Variants in EGLN3 observed in about 807,000 individuals in gnomAD.
EGLN3 encodes the protein egl-9 family hypoxia inducible factor 3.
In EGLN3, 15 loss-of-function variants were observed where a neutral mutation model predicts 26.0. The observed-to-expected ratio is 0.58, with a 90% CI of 0.39 to 0.89. The LOEUF is 0.89. EGLN3 is among the 40% of genes least tolerant of loss of function. EGLN3 has a pLI of 0.00. For missense variants in EGLN3, 238 were observed against 311.6 expected (o/e 0.76, Z 1.78); for synonymous variants, 147 against 127.2 (o/e 1.16, Z -1.05).
At chr14:33,930,717 T>C (rs951346850) in intron 2 of EGLN3, among the ~76,000 whole-genome samples, 8 of 152,192 alleles carry the variant, frequency 5.3e-5, no homozygotes, top group Non-Finnish European at 1.2e-4. Flanking sequence ...TCTATTTTTG[T>C]GGAACTTTCT....
chr14:33,926,922 A>C, intron 4 of EGLN3, 38 bp downstream of exon 4: 1 of 1,474,792 alleles, frequency 6.8e-7, no homozygotes, highest in Non-Finnish European at 9.4e-7. Context: ...TCAAGGATTA[A>C]CTTGATCAAA....
At position 33,929,072 on chromosome 14, in the gene EGLN3, T is replaced by C; in HGVS notation, c.614+4A>G. Reference sequence around the variant, plus strand: ...GGAAGAGGAATCATGGCTCCGGCTATTACCTGGTTGCGTAAGAGGGCTGCA... The same window carrying C: ...GGAAGAGGAATCATGGCTCCGGCTACTACCTGGTTGCGTAAGAGGGCTGCA... On this transcript the variant is annotated splice_donor_region_variant and intron_variant, in intron 3 of 4. Coordinates refer to ENST00000250457, the MANE Select transcript of EGLN3 (RefSeq NM_022073.4). The C allele has an allele frequency of 1.2e-6, 2 of 1,613,296 alleles. No individual in the cohort carries two copies. The highest frequency in any genetic ancestry group is 1.1e-5 in the South Asian group (1 of 90,962).
chr14:33,926,837 A>G (rs1882512112), intron 4 of EGLN3, 123 bp downstream of exon 4: 3 of 597,712 alleles, frequency 5.0e-6, no homozygotes, highest in Non-Finnish European at 7.8e-6. Flanking sequence ...ACCCATCAAG[A>G]TGTCATTATA....
intron 1 of EGLN3, among the ~76,000 whole-genome samples, chr14:33,934,466 TA>T (rs369949234): frequency 1.3e-3 from 179 of 138,412 alleles, no homozygotes; most frequent in African/African-American, 3.5e-3. Context: ...GCTGACTTCA[TA>T]AAAAAAAAAA....
At chr14:33,944,290 CTT>C (rs2064502787) in intron 1 of EGLN3, among the ~76,000 whole-genome samples, 1 of 151,952 alleles carries the variant, frequency 6.6e-6, no homozygotes. Context: ...CCCGGCTAGA[CTT>C]TGTATTTTTA....
intron 1 of EGLN3, among the ~76,000 whole-genome samples, chr14:33,940,461 T>C (rs565625398): frequency 2.0e-5 from 3 of 152,094 alleles, no homozygotes; most frequent in African/African-American, 7.2e-5. Context: ...ACAGGGAAAC[T>C]GTAGGAAGAT....
At chr14:33,949,431 A>C (rs1390176756) in intron 1 of EGLN3, 1 of 152,218 alleles carries the variant, frequency 6.6e-6, no homozygotes, top group Non-Finnish European at 1.5e-5. Flanking sequence ...TGTTTCAGTA[A>C]AAGTTTTCCG....
At chr14:33,947,004 A>G (rs1027790217) in intron 1 of EGLN3, among the ~76,000 whole-genome samples, 3 of 152,242 alleles carry the variant, frequency 2.0e-5, no homozygotes, top group Non-Finnish European at 1.5e-5. Context: ...TAGTATTTGT[A>G]AAGTGCATAG....
chr14:33,938,669 G>A (rs2064459216), intron 1 of EGLN3, among the ~76,000 whole-genome samples: 1 of 152,222 alleles, frequency 6.6e-6, no homozygotes, highest in African/African-American at 2.4e-5. Context: ...CCAGCCCAGG[G>A]ATAAGGACAT....
At chr14:33,949,125 C>G (rs2064538204) in intron 1 of EGLN3, 1 of 152,136 alleles carries the variant, frequency 6.6e-6, no homozygotes, top group Admixed American at 6.5e-5. Context: ...GCATTAATAA[C>G]GATGCTTTCA....
At chr14:33,929,350 C>T in intron 2 of EGLN3, 138 bp from the exon 3 acceptor site, 1 of 1,096,372 alleles carries the variant, frequency 9.1e-7, no homozygotes, top group Non-Finnish European at 1.3e-6. Flanking sequence ...TTACTTCAAC[C>T]TCATAGTTTG....
At chr14:33,933,705 A>G (rs1356789836) in intron 1 of EGLN3, among the ~76,000 whole-genome samples, 6 of 152,296 alleles carry the variant, frequency 3.9e-5, no homozygotes, top group South Asian at 2.1e-4. Flanking sequence ...GTCTAAAACC[A>G]TGAGGCTAAG....
At chr14:33,928,468 A>G (rs575717239) in intron 3 of EGLN3, among the ~76,000 whole-genome samples, 2 of 152,342 alleles carry the variant, frequency 1.3e-5, no homozygotes, top group African/African-American at 4.8e-5. Flanking sequence ...AAGATTGTCT[A>G]GATTGGTCCT....
chr14:33,928,440 G>A lies in EGLN3; in HGVS notation c.614+636C>T, dbSNP rs960104766. ...AAAGGTAAATGAGAGGCAGAATTGA[G>A]AATGAAGATTTTTTGTCAAGATTGT... On this transcript the variant is annotated intron_variant, in intron 3 of 4. Coordinates refer to ENST00000250457, the MANE Select transcript of EGLN3 (RefSeq NM_022073.4). Among the ~76,000 whole-genome samples, 42 of 152,178 alleles carry A rather than the reference G, an allele frequency of 2.8e-4. 1 individual carries two copies. Among genetic ancestry groups the A allele is most frequent in the Admixed American group, 2.7e-3 (42 of 15,280 alleles).
chr14:33,950,549 G>A lies in EGLN3; in HGVS notation c.204C>T (p.Val68=). The change falls in exon 1 of 5, where the codon GTC becomes GTT. Residue 68 remains valine, a synonymous_variant. Coordinates refer to ENST00000250457, the MANE Select transcript of EGLN3 (RefSeq NM_022073.4). Reference sequence around the variant, plus strand: ...GGTCGCCCCGCAGGTGTCGCTTGGAGACGCCGGCGCGCGGCCCCGCCAGCT... The same window carrying A: ...GGTCGCCCCGCAGGTGTCGCTTGGAAACGCCGGCGCGCGGCCCCGCCAGCT... ...DGQLAGPRAG[V]SKRHLRGDQI... The A allele has an allele frequency of 6.2e-7, 1 of 1,612,426 alleles. No individual in the cohort carries two copies. The highest frequency in any genetic ancestry group is 8.5e-7 in the Non-Finnish European group (1 of 1,179,262).
chr14:33,939,274 G>C (rs559212807), intron 1 of EGLN3, among the ~76,000 whole-genome samples: 2 of 151,834 alleles, frequency 1.3e-5, no homozygotes, highest in Non-Finnish European at 2.9e-5. Flanking sequence ...GCACTGGCGC[G>C]ATCTCGGCTC....
intron 1 of EGLN3, among the ~76,000 whole-genome samples, chr14:33,946,972 T>C (rs1245035422): frequency 1.3e-5 from 2 of 151,860 alleles, no homozygotes; most frequent in African/African-American, 2.4e-5. Context: ...TTTAAGACTG[T>C]GTTTCTGAAG....
intron 2 of EGLN3, 74 bp downstream of exon 2, chr14:33,931,022 C>G: frequency 1.9e-6 from 3 of 1,584,430 alleles, no homozygotes; most frequent in Non-Finnish European, 2.6e-6. Flanking sequence ...TCAATATAAA[C>G]TCTCCTCTAA....
chr14:33,925,763 T>C lies in EGLN3; in HGVS notation c.*128A>G. On this transcript the variant is annotated 3_prime_UTR_variant, in exon 5 of 5. Coordinates refer to ENST00000250457, the MANE Select transcript of EGLN3 (RefSeq NM_022073.4). Reference sequence around the variant, plus strand: ...TGAAGTACCACACACAAGACAGGGATGTGAAGGATGCAAGAAGTAGCAGGG... The same window carrying C: ...TGAAGTACCACACACAAGACAGGGACGTGAAGGATGCAAGAAGTAGCAGGG... 6.9e-6 allele frequency: 7 copies of C among 1,021,276 alleles called. No individual in the cohort carries two copies. Among genetic ancestry groups the C allele is most frequent in the African/African-American group, 1.6e-5 (1 of 63,262 alleles). 63.3% of individuals were successfully genotyped at this position (1,021,276 alleles called of 1,614,324 possible).
Sources: gnomAD v4.1 joint callset for allele counts (sites outside exome capture counted in the v4.1 genomes callset) on GRCh38, gnomAD v4.1.1 for gene constraint, MANE v1.5 for transcripts, NCBI Gene and HGNC (gene_info 2026-07-23, HGNC 2026-07-21) for gene names.